Variants in LRRC7 observed in about 807,000 individuals in gnomAD.
LRRC7 encodes the protein leucine rich repeat containing 7.
In LRRC7, 23 loss-of-function variants were observed where a neutral mutation model predicts 175.7. That is an observed-to-expected ratio of 0.13 (90% confidence interval 0.09 to 0.19). The LOEUF is 0.19. Among genes scored for constraint, LRRC7 ranks in the 10% least tolerant of loss-of-function variants. LRRC7 has a pLI of 1.00. For missense variants in LRRC7, 1,354 were observed against 1,904.7 expected, an observed-to-expected ratio of 0.71 and a Z score of 5.38; for synonymous variants, 685 against 680.9, an observed-to-expected ratio of 1.01 and a Z score of -0.09.
intron 4 of LRRC7, among the ~76,000 whole-genome samples, chr1:69,795,909 T>G (rs866216989): frequency 1.4e-4 from 11 of 80,096 alleles, no homozygotes; most frequent in Middle Eastern, 8.9e-3. Flanking sequence ...AGATTTTTTT[T>G]GGGTTTTTTT....
chr1:69,931,900 T>G (rs1355501810), intron 8 of LRRC7, among the ~76,000 whole-genome samples: 1 of 152,206 alleles, frequency 6.6e-6, no homozygotes, highest in Non-Finnish European at 1.5e-5. Flanking sequence ...ACATAGCTAT[T>G]AAGTGCCTGA....
intron 3 of LRRC7, 125 bp downstream of exon 3, chr1:69,760,518 T>C (rs1338932508): frequency 6.5e-6 from 5 of 764,834 alleles, no homozygotes; most frequent in Non-Finnish European, 1.1e-5. Context: ...TTGAAATTGA[T>C]ATAACTTCCC....
chr1:69,982,211 CTG>C (rs1384523290), intron 9 of LRRC7, among the ~76,000 whole-genome samples: 1 of 152,182 alleles, frequency 6.6e-6, no homozygotes, highest in Non-Finnish European at 1.5e-5. Flanking sequence ...CCTAATTTGT[CTG>C]TCTCGAGAGT....
chr1:69,735,646 C>G (rs1028594174), intron 2 of LRRC7, among the ~76,000 whole-genome samples: 2 of 152,084 alleles, frequency 1.3e-5, no homozygotes, highest in African/African-American at 4.8e-5. Context: ...ACTCTAACAA[C>G]TTTTTTACCC....
At chr1:70,075,993 A>C in intron 23 of LRRC7, 84 bp from the exon 24 acceptor site, 1 of 1,414,454 alleles carries the variant, frequency 7.1e-7, no homozygotes, top group South Asian at 1.2e-5. Context: ...GCTTTACCAG[A>C]GAGGTATTCT....
intron 5 of LRRC7, among the ~76,000 whole-genome samples, chr1:69,832,924 G>A (rs1680688048): frequency 6.6e-6 from 1 of 152,094 alleles, no homozygotes; most frequent in Admixed American, 6.6e-5. Context: ...GGCCAACATG[G>A]CGAAACCCTG....
intron 2 of LRRC7, among the ~76,000 whole-genome samples, chr1:69,746,640 T>C (rs1448681232): frequency 1.3e-5 from 2 of 152,048 alleles, no homozygotes; most frequent in African/African-American, 4.8e-5. Context: ...TGCCATGCAA[T>C]GTCTGCCATC....
At chr1:69,803,676 C>T (rs1316467381) in intron 4 of LRRC7, among the ~76,000 whole-genome samples, 1 of 151,298 alleles carries the variant, frequency 6.6e-6, no homozygotes, top group Non-Finnish European at 1.5e-5. Context: ...ATTTTATCTA[C>T]CTGTGACAAT....
intron 1 of LRRC7, among the ~76,000 whole-genome samples, chr1:69,619,003 A>G (rs1171334554): frequency 6.6e-6 from 1 of 152,196 alleles, no homozygotes; most frequent in Non-Finnish European, 1.5e-5. Flanking sequence ...CTGCTGCAAT[A>G]AACAACCTTG....
intron 1 of LRRC7, among the ~76,000 whole-genome samples, chr1:69,631,985 C>T (rs1409182797): frequency 6.6e-6 from 1 of 152,176 alleles, no homozygotes; most frequent in South Asian, 2.1e-4. Flanking sequence ...TCTTACAAGA[C>T]TTTCTGATTT....
intron 7 of LRRC7, among the ~76,000 whole-genome samples, chr1:69,889,512 A>T (rs1645766750): frequency 6.6e-6 from 1 of 152,224 alleles, no homozygotes; most frequent in African/African-American, 2.4e-5. Context: ...ATTCCATCTC[A>T]AGAAACCACT....
intron 1 of LRRC7, among the ~76,000 whole-genome samples, chr1:69,577,277 C>T (rs1645993342): frequency 6.6e-6 from 1 of 152,186 alleles, no homozygotes. Flanking sequence ...CTCCTTCCCC[C>T]TCTTCCCTAG....
At chr1:69,793,063 G>A (rs1452379186) in intron 4 of LRRC7, among the ~76,000 whole-genome samples, 2 of 152,102 alleles carry the variant, frequency 1.3e-5, no homozygotes, top group Non-Finnish European at 2.9e-5. Context: ...ATCTGCACAA[G>A]TAGTGCTTTG....
intron 1 of LRRC7, among the ~76,000 whole-genome samples, chr1:69,664,433 C>T (rs779013995): frequency 3.3e-5 from 5 of 152,112 alleles, no homozygotes; most frequent in Admixed American, 6.5e-5. Context: ...CAGCTGTGTA[C>T]GAGGACTCCC....
At chr1:69,738,239 C>G (rs978881044) in intron 2 of LRRC7, among the ~76,000 whole-genome samples, 5 of 151,942 alleles carry the variant, frequency 3.3e-5, no homozygotes, top group Admixed American at 6.6e-5. Context: ...GAACGTTTCT[C>G]TTTTATTGGG....
At chr1:69,801,968 A>G (rs1263373670) in intron 4 of LRRC7, among the ~76,000 whole-genome samples, 1 of 149,726 alleles carries the variant, frequency 6.7e-6, no homozygotes, top group Non-Finnish European at 1.5e-5. Context: ...TCTTAATTTC[A>G]TTATTGACCA....
chr1:69,958,330 T>C (rs1398800608), intron 8 of LRRC7, among the ~76,000 whole-genome samples: 1 of 151,978 alleles, frequency 6.6e-6, no homozygotes, highest in African/African-American at 2.4e-5. Flanking sequence ...AAAATGGAGG[T>C]CATAAAGACT....
intron 1 of LRRC7, among the ~76,000 whole-genome samples, chr1:69,611,814 G>C (rs1189618318): frequency 6.6e-6 from 1 of 152,026 alleles, no homozygotes; most frequent in Non-Finnish European, 1.5e-5. Context: ...ATCTCAAAAA[G>C]GACATTTGTT....
intron 17 of LRRC7, among the ~76,000 whole-genome samples, chr1:70,025,688 G>T (rs1033843614): frequency 1.3e-5 from 2 of 152,028 alleles, no homozygotes; most frequent in Non-Finnish European, 2.9e-5. Context: ...AGCTAGTTGG[G>T]AATAAATCTA....
Sources: allele counts gnomAD v4.1 joint callset (sites outside exome capture counted in the v4.1 genomes callset), GRCh38; gene constraint gnomAD v4.1.1; transcripts MANE v1.5; gene names NCBI Gene and HGNC (gene_info 2026-07-23, HGNC 2026-07-21).